The following MTMR2 variants were observed in gnomAD, a reference collection of about 807,000 sequenced individuals.
MTMR2 encodes the protein myotubularin related protein 2.
Under a neutral mutation model 86.9 loss-of-function variants are expected in MTMR2, and 55 were observed. The ratio of observed to expected loss-of-function variants is 0.63; its 90% confidence interval spans 0.51 to 0.79. The LOEUF (loss-of-function observed/expected upper bound fraction) is 0.79. Ranked by LOEUF, MTMR2 falls within the 30% of genes least tolerant of loss-of-function variation. The pLI, the probability that MTMR2 is intolerant of heterozygous loss-of-function variation, is 0.00. For synonymous variants in MTMR2, 241 were observed against 266.8 expected (o/e 0.90, Z 0.94); for missense variants, 659 against 772.3 (o/e 0.85, Z 1.74).
intron 2 of MTMR2, among the ~76,000 whole-genome samples, chr11:95,867,073 A>G (rs1448664015): frequency 6.6e-6 from 1 of 152,160 alleles, no homozygotes. Flanking sequence ...ATCTGCTAAT[A>G]ATTCTACTAA....
intron 3 of MTMR2, 113 bp downstream of exon 3, chr11:95,865,488 T>C: frequency 1.0e-6 from 1 of 984,494 alleles, no homozygotes; most frequent in South Asian, 1.3e-5. Flanking sequence ...TAAAGAGTTC[T>C]GCCAGACAGG....
chr11:95,921,453 ATAACT>A (rs1234743962), intron 1 of MTMR2, among the ~76,000 whole-genome samples: 1 of 152,256 alleles, frequency 6.6e-6, no homozygotes, highest in Non-Finnish European at 1.5e-5. Flanking sequence ...AACAAAAGAA[ATAACT>A]TAAACAATCT....
chr11:95,908,013 A>G (rs1175722560), intron 1 of MTMR2: 2 of 215,438 alleles, frequency 9.3e-6, no homozygotes, highest in Admixed American at 1.1e-4. Context: ...ATCAGGCAAG[A>G]GAAAGAAATA....
chr11:95,915,393 G>T (rs1224246080), intron 1 of MTMR2, among the ~76,000 whole-genome samples: 1 of 152,116 alleles, frequency 6.6e-6, no homozygotes, highest in Non-Finnish European at 1.5e-5. Flanking sequence ...AATCCTCAGA[G>T]CCTGATGAAT....
intron 1 of MTMR2, among the ~76,000 whole-genome samples, chr11:95,920,129 A>C (rs1483066525): frequency 6.6e-6 from 1 of 152,196 alleles, no homozygotes; most frequent in Non-Finnish European, 1.5e-5. Flanking sequence ...AACAAAAGTA[A>C]AATTACAGAA....
At chr11:95,857,672 A>G (rs1864262303) in intron 6 of MTMR2, 37 bp from the exon 7 acceptor site, 5 of 1,349,560 alleles carry the variant, frequency 3.7e-6, no homozygotes, top group Non-Finnish European at 5.3e-6. Flanking sequence ...GCTAAAAAAG[A>G]TATTCACAAA....
At chr11:95,894,969 A>G (rs563746883) in intron 1 of MTMR2, among the ~76,000 whole-genome samples, 2 of 152,288 alleles carry the variant, frequency 1.3e-5, no homozygotes, top group East Asian at 3.9e-4. Context: ...CAATTATACA[A>G]GATAATTTCA....
At chr11:95,847,209 C>A (rs943397669) in intron 10 of MTMR2, among the ~76,000 whole-genome samples, 4 of 152,150 alleles carry the variant, frequency 2.6e-5, no homozygotes, top group Admixed American at 2.0e-4. Context: ...CTTCACAAAT[C>A]AACTAATATT....
In MTMR2 at chr11:95,850,644, C is replaced by T. The variant is rs1863980631; in HGVS notation, c.760G>A (p.Glu254Lys). 6.2e-7 allele frequency: 1 copy of T among 1,613,974 alleles called. No homozygotes were observed. The highest frequency in any genetic ancestry group is 1.3e-5 in the African/African-American group (1 of 74,920). Residue 254 changes from glutamate (E) to lysine (K), a missense_variant, in exon 8 of 15, where the codon GAA becomes AAA. By Grantham distance (56) the Glu-to-Lys change is moderately conservative. This residue lies in a region of MTMR2 where 387 missense variants were observed against 526.3 expected (regional missense o/e 0.74). Transcript: ENST00000346299. Reference sequence around the variant, plus strand: ...CTGAAGGATGCCACTCTCTTTAATTCTTCATCAGGAATATTTGCTGGCACA... The same window carrying T: ...CTGAAGGATGCCACTCTCTTTAATTTTTCATCAGGAATATTTGCTGGCACA... The part of the protein sequence containing the change: ...LVVPANIPDE[E>K]LKRVASFRSR...
intron 1 of MTMR2, among the ~76,000 whole-genome samples, chr11:95,890,339 G>A (rs1280082593): frequency 6.6e-6 from 1 of 152,076 alleles, no homozygotes; most frequent in Non-Finnish European, 1.5e-5. Context: ...ACAGTACTTT[G>A]ACAGACATTG....
At chr11:95,897,234 G>A (rs966379192) in intron 1 of MTMR2, among the ~76,000 whole-genome samples, 1 of 151,880 alleles carries the variant, frequency 6.6e-6, no homozygotes, top group Non-Finnish European at 1.5e-5. Flanking sequence ...AGTGGTCCAG[G>A]GCTTCTGAAA....
intron 1 of MTMR2, among the ~76,000 whole-genome samples, chr11:95,897,778 C>T (rs375471387): frequency 6.6e-6 from 1 of 152,238 alleles, no homozygotes. Context: ...AGTAACTCTT[C>T]TCTCTAAATG....
In MTMR2 at chr11:95,924,086, C is replaced by G; in HGVS notation, c.-132G>C. 8.3e-7 allele frequency: 1 copy of G among 1,202,576 alleles called. No individual in the cohort carries two copies. The highest frequency in any genetic ancestry group is 1.5e-5 in the African/African-American group (1 of 66,914). 74.5% of individuals were successfully genotyped at this position (1,202,576 alleles called of 1,614,324 possible). On this transcript the variant is annotated 5_prime_UTR_variant, in exon 1 of 15. Coordinates refer to ENST00000346299, the MANE Select transcript of MTMR2 (RefSeq NM_016156.6). ...GCCGGCCCGGGAGGGAGACCGGAAG[C>G]GGCCATGTTCCCCCAGAGTGCACCG...
At chr11:95,840,990 G>C (rs763881561) in intron 12 of MTMR2, among the ~76,000 whole-genome samples, 1 of 152,116 alleles carries the variant, frequency 6.6e-6, no homozygotes, top group East Asian at 1.9e-4. Context: ...ATGACCCGTT[G>C]CCTCATTAAT....
chr11:95,905,331 GCACACACA>G (rs10552965), intron 1 of MTMR2, among the ~76,000 whole-genome samples: 4,985 of 148,070 alleles, frequency 0.034, 108 homozygotes, highest in African/African-American at 0.048. Context: ...ACGCACCTGC[GCACACACA>G]CACACACACA....
chr11:95,923,029 TA>T (rs1565394262), intron 1 of MTMR2, among the ~76,000 whole-genome samples: 1 of 152,162 alleles, frequency 6.6e-6, no homozygotes, highest in African/African-American at 2.4e-5. Context: ...TATTATTTTT[TA>T]AAAAATTTTT....
chr11:95,916,787 C>G (rs1482617386), intron 1 of MTMR2, among the ~76,000 whole-genome samples: 1 of 151,926 alleles, frequency 6.6e-6, no homozygotes, highest in Admixed American at 6.6e-5. Context: ...TTTAAAGAGC[C>G]CAAGAGTTAT....
chr11:95,893,080 C>G (rs1865766092), intron 1 of MTMR2, among the ~76,000 whole-genome samples: 3 of 152,026 alleles, frequency 2.0e-5, no homozygotes. Flanking sequence ...TATCATCCAC[C>G]CACCCATCCT....
chr11:95,847,852 T>C lies in MTMR2; in HGVS notation c.1041A>G (p.Glu347=). Residue 347 remains glutamate (E), a synonymous_variant, in exon 10 of 15, where the codon GAA becomes GAG. Transcript: ENST00000346299. ...YESEDAYQNA[E]LVFLDIHNIH... ...TATTGTGGATATCCAGGAAAACTAGTTCAGCATTTTGATAGGCATCTTCAC... is the reference window on the plus strand; with the variant it reads ...TATTGTGGATATCCAGGAAAACTAGCTCAGCATTTTGATAGGCATCTTCAC... 1.9e-6 allele frequency: 3 copies of C among 1,613,814 alleles called. No homozygotes were observed. The highest frequency in any genetic ancestry group is 8.5e-7 in the Non-Finnish European group (1 of 1,179,798).
Sources: gnomAD v4.1 joint callset for allele counts (sites outside exome capture counted in the v4.1 genomes callset) on GRCh38, gnomAD v4.1.1 for gene constraint, gnomAD v4.1.1 regional missense constraint, MANE v1.5 for transcripts, NCBI Gene and HGNC (gene_info 2026-07-23, HGNC 2026-07-21) for gene names.